The following AIG1 variants were observed in gnomAD, a reference collection of about 807,000 sequenced individuals.
AIG1 encodes the protein androgen induced 1, also known as androgen-induced gene 1 protein.
A neutral mutation model predicts 31.4 loss-of-function variants in AIG1; 23 were observed. The observed-to-expected ratio is 0.73, with a 90% confidence interval of 0.53 to 1.04. AIG1 has a LOEUF of 1.04. Among genes scored for constraint, AIG1 ranks in the 50% least tolerant of loss-of-function variants. AIG1 has a pLI of 0.00. For synonymous variants in AIG1, 100 were observed against 110.5 expected (o/e 0.90, Z 0.60); for missense variants, 274 against 295.0 (o/e 0.93, Z 0.52).
Position 143,136,817 on chromosome 6 carries a change from G to T in AIG1, c.142-18G>T. ...CTCCAGATCTTAATGACTCATACCG[G>T]CTGTTGTCCCCCTACAGGTTATCCA... On this transcript the variant is annotated intron_variant, in intron 1 of 5. Coordinates refer to ENST00000357847, the MANE Select transcript of AIG1 (RefSeq NM_016108.4). 2 of 1,359,910 alleles carry T rather than the reference G, an allele frequency of 1.5e-6. No individual in the cohort carries two copies. Among genetic ancestry groups the T allele is most frequent in the Non-Finnish European group, 9.6e-7 (1 of 1,041,354 alleles). The allele number at this position is 1,359,910 out of a possible 1,614,324, so 84.2% of individuals were successfully genotyped here.
chr6:143,093,629 A>G (rs187916885), intron 1 of AIG1, among the ~76,000 whole-genome samples: 114 of 152,302 alleles, frequency 7.5e-4, no homozygotes, highest in African/African-American at 2.6e-3. Context: ...TGGCCTGTCT[A>G]GGTTTCTGAC....
intron 3 of AIG1, among the ~76,000 whole-genome samples, chr6:143,239,496 C>T (rs1220462964): frequency 3.3e-5 from 5 of 152,144 alleles, no homozygotes; most frequent in South Asian, 2.1e-4. Context: ...TGAGCTGAGG[C>T]GCCACCACTG....
intron 3 of AIG1, among the ~76,000 whole-genome samples, chr6:143,208,836 T>C (rs142515441): frequency 2.6e-4 from 40 of 152,160 alleles, no homozygotes; most frequent in African/African-American, 9.6e-4. Flanking sequence ...AAAATCTCCA[T>C]TTATAATTCA....
intron 1 of AIG1, among the ~76,000 whole-genome samples, chr6:143,100,443 AGAAG>A (rs1354113196): frequency 6.6e-6 from 1 of 152,190 alleles, no homozygotes; most frequent in African/African-American, 2.4e-5. Flanking sequence ...GCAGAAAAAA[AGAAG>A]GAACTGATAT....
chr6:143,183,585 A>G (rs1788950993), intron 3 of AIG1, among the ~76,000 whole-genome samples: 1 of 152,130 alleles, frequency 6.6e-6, no homozygotes, highest in Admixed American at 6.5e-5. Flanking sequence ...GGCTAATGCT[A>G]TTATTTGGCT....
intron 4 of AIG1, among the ~76,000 whole-genome samples, chr6:143,307,614 G>A (rs1477833784): frequency 6.6e-6 from 1 of 152,112 alleles, no homozygotes; most frequent in Non-Finnish European, 1.5e-5. Flanking sequence ...CCCCTACTGG[G>A]GGGTGCCTCC....
chr6:143,062,017 C>T (rs1172156306), intron 1 of AIG1, among the ~76,000 whole-genome samples: 1 of 152,170 alleles, frequency 6.6e-6, no homozygotes, highest in Non-Finnish European at 1.5e-5. Context: ...AGAACCAATT[C>T]CTGGGACTCC....
intron 3 of AIG1, among the ~76,000 whole-genome samples, chr6:143,249,667 C>A (rs977719877): frequency 6.6e-6 from 1 of 152,186 alleles, no homozygotes; most frequent in Non-Finnish European, 1.5e-5. Flanking sequence ...TACAGACGAC[C>A]CCTCTCCTGA....
intron 4 of AIG1, among the ~76,000 whole-genome samples, chr6:143,317,177 A>C (rs761064810): frequency 6.6e-6 from 1 of 152,052 alleles, no homozygotes; most frequent in Non-Finnish European, 1.5e-5. Flanking sequence ...GTATCACCCT[A>C]ATACCAAAAC....
intron 3 of AIG1, chr6:143,189,565 G>A (rs546935099): frequency 1.0e-6 from 1 of 985,350 alleles, no homozygotes; most frequent in Admixed American, 6.1e-5. Flanking sequence ...TATTTGGTAA[G>A]TTTGCATGGA....
chr6:143,103,205 G>A (rs1780461538), intron 1 of AIG1, among the ~76,000 whole-genome samples: 1 of 152,210 alleles, frequency 6.6e-6, no homozygotes, highest in Admixed American at 6.5e-5. Context: ...ATATTGTGAT[G>A]TAATGGGGGT....
intron 2 of AIG1, among the ~76,000 whole-genome samples, chr6:143,147,469 G>C (rs1345822055): frequency 6.6e-6 from 1 of 152,056 alleles, no homozygotes; most frequent in East Asian, 1.9e-4. Context: ...TATGAAATAA[G>C]AAGACTGCAT....
intron 1 of AIG1, among the ~76,000 whole-genome samples, chr6:143,103,453 G>A (rs1215717614): frequency 6.6e-6 from 1 of 151,518 alleles, no homozygotes; most frequent in Non-Finnish European, 1.5e-5. Context: ...AGCACTTTGA[G>A]GTCATTTATA....
intron 3 of AIG1, among the ~76,000 whole-genome samples, chr6:143,282,018 A>G (rs1366720904): frequency 2.6e-5 from 4 of 152,236 alleles, no homozygotes; most frequent in Non-Finnish European, 4.4e-5. Flanking sequence ...ATTCTCCCAG[A>G]TACATCTGAT....
chr6:143,172,307 G>A (rs1238445788), intron 3 of AIG1, among the ~76,000 whole-genome samples: 2 of 152,008 alleles, frequency 1.3e-5, no homozygotes, highest in Non-Finnish European at 2.9e-5. Context: ...CTCTAGAATG[G>A]CTCCAATGAG....
At chr6:143,233,313 C>T (rs989927140) in intron 3 of AIG1, among the ~76,000 whole-genome samples, 1 of 151,710 alleles carries the variant, frequency 6.6e-6, no homozygotes, top group African/African-American at 2.4e-5. Flanking sequence ...ATTTTAAAAC[C>T]AAGTCCTGAG....
intron 5 of AIG1, 136 bp from the exon 6 acceptor site, chr6:143,339,500 TAGG>T: frequency 1.3e-6 from 1 of 758,840 alleles, no homozygotes; most frequent in Non-Finnish European, 2.1e-6. Flanking sequence ...TAGGAGGGAA[TAGG>T]GGGTGTGTCA....
chr6:143,222,818 A>C (rs1792641593), intron 3 of AIG1, among the ~76,000 whole-genome samples: 1 of 152,200 alleles, frequency 6.6e-6, no homozygotes, highest in African/African-American at 2.4e-5. Flanking sequence ...TGGCTTCTGA[A>C]ATACATTACA....
chr6:143,150,457 A>G (rs959170610), intron 2 of AIG1, among the ~76,000 whole-genome samples: 5 of 152,178 alleles, frequency 3.3e-5, no homozygotes, highest in Non-Finnish European at 7.3e-5. Context: ...TGACTCTGGA[A>G]GAGGATCTTA....
Sources: gnomAD v4.1 joint callset for allele counts (sites outside exome capture counted in the v4.1 genomes callset) on GRCh38, gnomAD v4.1.1 for gene constraint, MANE v1.5 for transcripts, NCBI Gene and HGNC (gene_info 2026-07-23, HGNC 2026-07-21) for gene names.